DNAAF11: variants seen among roughly 807,000 people sequenced by gnomAD.
DNAAF11 encodes leucine rich repeat containing 6.
A neutral mutation model predicts 60.8 loss-of-function variants in DNAAF11; 45 were observed. The ratio of observed to expected loss-of-function variants is 0.74; its 90% confidence interval spans 0.58 to 0.95. DNAAF11 has a LOEUF of 0.95. Ranked by LOEUF, DNAAF11 falls within the 40% of genes least tolerant of loss-of-function variation. The pLI is 0.00. For missense variants in DNAAF11, 546 were observed against 546.2 expected (o/e 1.00, Z 0.00); for synonymous variants, 191 against 183.5 (o/e 1.04, Z -0.33).
At chr8:132,684,201 C>A in the DNAAF11 span, among the ~76,000 whole-genome samples, 1 of 152,206 alleles carries the variant, frequency 6.6e-6, no homozygotes, top group African/African-American at 2.4e-5. Flanking sequence ...TCAGTTTCAT[C>A]AGTTCACTAG....
chr8:132,593,332 C>CATACATATATATATATATATATAT (rs577618316), intron 10 of DNAAF11, among the ~76,000 whole-genome samples: 4 of 108,702 alleles, frequency 3.7e-5, no homozygotes, highest in Admixed American at 1.0e-4. Flanking sequence ...TATATACATA[C>CATACATATATATATATATATATAT]ATATATATAT....
At chr8:132,685,409 G>T in the DNAAF11 span, among the ~76,000 whole-genome samples, 1 of 152,148 alleles carries the variant, frequency 6.6e-6, no homozygotes, top group Non-Finnish European at 1.5e-5. Context: ...GCCAGTAACT[G>T]CCAATTTTGC....
the DNAAF11 span, among the ~76,000 whole-genome samples, chr8:132,693,680 A>C: frequency 6.6e-6 from 1 of 152,012 alleles, no homozygotes; most frequent in South Asian, 2.1e-4. Flanking sequence ...AAGCAGAGGA[A>C]GGAGATGTGA....
chr8:132,696,087 G>T, the DNAAF11 span, among the ~76,000 whole-genome samples: 5 of 152,160 alleles, frequency 3.3e-5, 1 homozygote, highest in South Asian at 6.2e-4. Context: ...CAAGGTCCAG[G>T]CTTGACTGTG....
intron 11 of DNAAF11, among the ~76,000 whole-genome samples, chr8:132,573,428 G>T (rs1814424804): frequency 6.6e-6 from 1 of 152,172 alleles, no homozygotes; most frequent in Admixed American, 6.5e-5. Flanking sequence ...CTTGAACACA[G>T]AATTAATGAC....
At chr8:132,695,702 C>T in the DNAAF11 span, among the ~76,000 whole-genome samples, 1 of 151,170 alleles carries the variant, frequency 6.6e-6, no homozygotes, top group Non-Finnish European at 1.5e-5. Context: ...ACCAAACACA[C>T]CATGAGGCTG....
At chr8:132,674,136 A>AGGAGGAGGAGGAGG (rs1825494296) in intron 1 of DNAAF11, among the ~76,000 whole-genome samples, 20 of 36,100 alleles carry the variant, frequency 5.5e-4, no homozygotes, top group Admixed American at 1.0e-3. Flanking sequence ...GGAGGAGGAG[A>AGGAGGAGGAGGAGG]AGGAGGAGGA....
intron 10 of DNAAF11, among the ~76,000 whole-genome samples, chr8:132,584,326 G>T (rs1453209340): frequency 6.6e-6 from 1 of 152,140 alleles, no homozygotes; most frequent in Non-Finnish European, 1.5e-5. Flanking sequence ...GCATGTTGAA[G>T]TCTCAATAAA....
intron 3 of DNAAF11, among the ~76,000 whole-genome samples, chr8:132,638,906 C>A (rs1019443786): frequency 8.5e-5 from 13 of 152,200 alleles, no homozygotes; most frequent in African/African-American, 3.1e-4. Flanking sequence ...TAGACAGATA[C>A]AAGTTCAAGT....
chr8:132,663,322 ACT>A (rs1824312404), intron 1 of DNAAF11, among the ~76,000 whole-genome samples: 2 of 152,178 alleles, frequency 1.3e-5, no homozygotes, highest in African/African-American at 2.4e-5. Flanking sequence ...CATTAAAACT[ACT>A]CTCTATCCTC....
At chr8:132,584,274 T>A (rs1024483672) in intron 10 of DNAAF11, among the ~76,000 whole-genome samples, 2 of 152,218 alleles carry the variant, frequency 1.3e-5, no homozygotes, top group Non-Finnish European at 2.9e-5. Flanking sequence ...TAAAAAGTCC[T>A]ATAATTCTAA....
At position 132,595,312 on chromosome 8, in the gene DNAAF11, ATT is replaced by A. The variant is rs1201629993; in HGVS notation, c.1141-11535_1141-11534del. On this transcript the variant is annotated intron_variant, in intron 10 of 11. Coordinates refer to ENST00000620350, the MANE Select transcript of DNAAF11 (RefSeq NM_012472.6). The stretch of plus-strand genomic sequence containing the variant: ...TCCTGTGTTTCAGAACCTTTTTGGA[ATT>A]TTTTGTGTTCCCGAAAGAGAGAGAG... Among the ~76,000 whole-genome samples, 3 of 134,350 alleles carry A rather than the reference ATT, an allele frequency of 2.2e-5. 1 individual carries two copies. The highest frequency in any genetic ancestry group is 4.7e-5 in the Non-Finnish European group (3 of 64,456). 88.1% of individuals were successfully genotyped at this position (134,350 alleles called of 152,430 possible).
chr8:132,687,472 C>A, the DNAAF11 span: 1 of 372,708 alleles, frequency 2.7e-6, no homozygotes, highest in South Asian at 2.0e-5. Flanking sequence ...CTTGATGATG[C>A]CAGGTGACTC....
chr8:132,649,896 A>G (rs548840721), intron 3 of DNAAF11, among the ~76,000 whole-genome samples: 1 of 152,330 alleles, frequency 6.6e-6, no homozygotes, highest in South Asian at 2.1e-4. Context: ...GTGGAGAAAT[A>G]GGAACACTTC....
At chr8:132,642,895 T>C (rs1159417360) in intron 3 of DNAAF11, among the ~76,000 whole-genome samples, 1 of 152,234 alleles carries the variant, frequency 6.6e-6, no homozygotes, top group African/African-American at 2.4e-5. Context: ...AGCAGCGGTC[T>C]CCAACATTTT....
intron 7 of DNAAF11, among the ~76,000 whole-genome samples, chr8:132,620,943 G>A (rs1406318612): frequency 2.0e-5 from 3 of 152,154 alleles, no homozygotes; most frequent in African/African-American, 7.2e-5. Flanking sequence ...GCTTCTGGTG[G>A]ATCACCTACA....
chr8:132,652,940 A>T lies in DNAAF11; in HGVS notation c.256+3890T>A, dbSNP rs190612543. Among the ~76,000 whole-genome samples, 317 of 151,328 alleles carry T rather than the reference A, an allele frequency of 2.1e-3. 2 individuals carry two copies. Among genetic ancestry groups the T allele is most frequent in the African/African-American group, 7.3e-3 (301 of 41,116 alleles). On this transcript the variant is annotated intron_variant, in intron 3 of 11. Transcript: ENST00000620350. The stretch of plus-strand genomic sequence containing the variant: ...ATGTACCCAGAACTTCAAGTATAAT[A>T]AAAAAAAAGTACGGCCAAAATAAAG...
chr8:132,646,858 C>T (rs1375621991), intron 3 of DNAAF11, among the ~76,000 whole-genome samples: 1 of 152,120 alleles, frequency 6.6e-6, no homozygotes, highest in Non-Finnish European at 1.5e-5. Flanking sequence ...TCCTTAGAGA[C>T]CTACAAAGAG....
intron 10 of DNAAF11, among the ~76,000 whole-genome samples, chr8:132,597,995 T>A (rs2131137489): frequency 6.6e-6 from 1 of 152,328 alleles, no homozygotes; most frequent in East Asian, 1.9e-4. Flanking sequence ...AAGCTGCTAA[T>A]GATCCAAAAG....
Sources: gnomAD v4.1 joint callset for allele counts (sites outside exome capture counted in the v4.1 genomes callset) on GRCh38, gnomAD v4.1.1 for gene constraint, MANE v1.5 for transcripts, NCBI Gene and HGNC (gene_info 2026-07-23, HGNC 2026-07-21) for gene names.